The following TRIM44 variants were observed in gnomAD, a reference collection of about 807,000 sequenced individuals.
The protein encoded by TRIM44 is tripartite motif-containing protein 44.
Under a neutral mutation model 37.4 loss-of-function variants are expected in TRIM44, and 13 were observed. The observed-to-expected ratio is 0.35, with a 90% CI of 0.23 to 0.55. TRIM44 has a LOEUF of 0.55. Among genes scored for constraint, TRIM44 ranks in the 20% least tolerant of loss-of-function variants. TRIM44 has a pLI of 0.89. For synonymous variants in TRIM44, 175 were observed against 157.2 expected, an observed-to-expected ratio of 1.11 and a Z score of -0.85; for missense variants, 426 against 437.2, an observed-to-expected ratio of 0.97 and a Z score of 0.23.
chr11:35,772,475 T>A (rs888363158), intron 4 of TRIM44, among the ~76,000 whole-genome samples: 1 of 152,230 alleles, frequency 6.6e-6, no homozygotes, highest in Non-Finnish European at 1.5e-5. Context: ...AGGGAGGCTA[T>A]ACCCTGCAAA....
intron 3 of TRIM44, among the ~76,000 whole-genome samples, chr11:35,731,449 A>G (rs1393955771): frequency 2.0e-5 from 3 of 152,180 alleles, no homozygotes; most frequent in Non-Finnish European, 2.9e-5. Flanking sequence ...GCCATGATGT[A>G]TAATCTGGGT....
intron 2 of TRIM44, among the ~76,000 whole-genome samples, chr11:35,715,410 GT>G (rs1375146979): frequency 6.7e-6 from 1 of 149,876 alleles, no homozygotes; most frequent in African/African-American, 2.5e-5. Flanking sequence ...GTGTATGTGT[GT>G]GTGTGTGTGT....
chr11:35,665,958 T>G (rs1001434002), intron 1 of TRIM44, among the ~76,000 whole-genome samples: 1 of 152,144 alleles, frequency 6.6e-6, no homozygotes, highest in Admixed American at 6.5e-5. Context: ...GTGGTTTTTC[T>G]TTTTAAAGAA....
intron 2 of TRIM44, among the ~76,000 whole-genome samples, chr11:35,701,418 A>T (rs1396101641): frequency 6.6e-6 from 1 of 152,188 alleles, no homozygotes; most frequent in African/African-American, 2.4e-5. Context: ...AACTTTGGCT[A>T]GGCCAAATGA....
intron 2 of TRIM44, among the ~76,000 whole-genome samples, chr11:35,695,779 A>G (rs1354956638): frequency 6.6e-6 from 1 of 152,180 alleles, no homozygotes; most frequent in Non-Finnish European, 1.5e-5. Flanking sequence ...TAATAACCAC[A>G]GTTATGATTA....
chr11:35,685,898 G>A (rs111848047), intron 2 of TRIM44, among the ~76,000 whole-genome samples: 2 of 152,244 alleles, frequency 1.3e-5, no homozygotes, highest in African/African-American at 4.8e-5. Flanking sequence ...TCCTGACCTC[G>A]TGATCCGCCC....
intron 4 of TRIM44, among the ~76,000 whole-genome samples, chr11:35,754,264 C>A (rs79263817): frequency 0.01 from 1,562 of 152,196 alleles, 27 homozygotes; most frequent in African/African-American, 0.036. Flanking sequence ...GAAATCCTCA[C>A]ATGAGTAAAC....
At chr11:35,789,564 G>C (rs1853175092) in intron 4 of TRIM44, among the ~76,000 whole-genome samples, 1 of 152,200 alleles carries the variant, frequency 6.6e-6, no homozygotes, top group South Asian at 2.1e-4. Context: ...TTAATAAGTA[G>C]AAGAACTGGA....
intron 3 of TRIM44, among the ~76,000 whole-genome samples, chr11:35,731,242 T>G (rs1852255170): frequency 6.6e-6 from 1 of 152,202 alleles, no homozygotes; most frequent in Non-Finnish European, 1.5e-5. Context: ...TTTTATCAGA[T>G]TCAGGAAGTG....
intron 2 of TRIM44, among the ~76,000 whole-genome samples, chr11:35,708,416 G>A (rs1851918061): frequency 6.6e-6 from 1 of 151,680 alleles, no homozygotes; most frequent in Non-Finnish European, 1.5e-5. Context: ...TACTGGGTAT[G>A]TACCCAAAGG....
At chr11:35,725,772 T>A in intron 2 of TRIM44, 152 bp from the exon 3 acceptor site, 1 of 734,636 alleles carries the variant, frequency 1.4e-6, no homozygotes, top group East Asian at 2.7e-5. Context: ...ATCAATGATA[T>A]TAGGGGAACA....
intron 2 of TRIM44, among the ~76,000 whole-genome samples, chr11:35,686,304 G>A (rs1851577733): frequency 6.6e-6 from 1 of 151,126 alleles, no homozygotes; most frequent in South Asian, 2.1e-4. Flanking sequence ...TAGAATCAAA[G>A]TTTCTCACAA....
In TRIM44 at chr11:35,663,125, T is replaced by C. The variant is rs778977253; in HGVS notation, c.14T>C (p.Val5Ala). 38 of 1,525,252 alleles carry C rather than the reference T, an allele frequency of 2.5e-5. No individual in the cohort carries two copies. The highest frequency in any genetic ancestry group is 1.8e-4 in the Middle Eastern group (1 of 5,652). The allele number at this position is 1,525,252 out of a possible 1,614,324, so 94.5% of individuals were successfully genotyped here. ...CACAGCACCCACATGGCCTCTGGAG[T>C]GGGCGCGGCCTTCGAGGAACTGCCT... MASG[V>A]GAAFEELPHD... The change falls in exon 1 of 5, where the codon GTG (valine) becomes GCG (alanine). Residue 5 changes from valine to alanine, a missense_variant. Physicochemically the swap from Val to Ala is moderately conservative, Grantham distance 64. Coordinates refer to ENST00000299413, the MANE Select transcript of TRIM44 (RefSeq NM_017583.6).
At chr11:35,766,137 C>G (rs1852796466) in intron 4 of TRIM44, among the ~76,000 whole-genome samples, 1 of 152,208 alleles carries the variant, frequency 6.6e-6, no homozygotes, top group South Asian at 2.1e-4. Flanking sequence ...ACTTGTGTCT[C>G]TCTTCTTCCT....
At position 35,816,167 on chromosome 11, in the gene TRIM44, G is replaced by A. The variant is rs1352807957; in HGVS notation, c.*9782G>A. 6.6e-6 allele frequency: 1 copy of A among 152,070 alleles called. No individual in the cohort carries two copies. Among genetic ancestry groups the A allele is most frequent in the East Asian group, 1.9e-4 (1 of 5,178 alleles). 9.4% of individuals were successfully genotyped at this position (152,070 alleles called of 1,614,324 possible). ...TCCATCTGGAAACCATGAGCCTCAT[G>A]GATTCCAGGCACAAATTCTCAGATT... On this transcript the variant is annotated 3_prime_UTR_variant, in exon 5 of 5. Coordinates refer to ENST00000299413, the MANE Select transcript of TRIM44 (RefSeq NM_017583.6).
intron 2 of TRIM44, among the ~76,000 whole-genome samples, chr11:35,709,521 A>G (rs1056734824): frequency 2.0e-5 from 3 of 152,198 alleles, no homozygotes; most frequent in African/African-American, 7.2e-5. Context: ...GTCAGATGTA[A>G]GAGGCCTCTA....
intron 1 of TRIM44, among the ~76,000 whole-genome samples, chr11:35,680,440 G>C (rs1851509421): frequency 6.6e-6 from 1 of 150,608 alleles, no homozygotes; most frequent in Non-Finnish European, 1.5e-5. Flanking sequence ...ATTTTGCAAG[G>C]TTTTGTTTTT....
chr11:35,728,102 G>A (rs1478785373), intron 3 of TRIM44, among the ~76,000 whole-genome samples: 1 of 152,214 alleles, frequency 6.6e-6, no homozygotes, highest in Non-Finnish European at 1.5e-5. Context: ...GAGGTGGGAG[G>A]ATCACCTGAG....
chr11:35,716,654 A>G (rs1420069401), intron 2 of TRIM44, among the ~76,000 whole-genome samples: 4 of 152,152 alleles, frequency 2.6e-5, no homozygotes, highest in Non-Finnish European at 4.4e-5. Flanking sequence ...CAAGAGACCT[A>G]TTATCTGGTG....
Sources: allele counts gnomAD v4.1 joint callset (sites outside exome capture counted in the v4.1 genomes callset), GRCh38; gene constraint gnomAD v4.1.1; transcripts MANE v1.5; gene names NCBI Gene and HGNC (gene_info 2026-07-23, HGNC 2026-07-21).